SLC14A2: variants seen among roughly 807,000 people sequenced by gnomAD.
The protein encoded by SLC14A2 is solute carrier family 14 member 2.
SLC14A2 carries 91 observed loss-of-function variants against 104.6 expected under a neutral mutation model. The observed-to-expected ratio is 0.87, with a 90% confidence interval of 0.73 to 1.04. The LOEUF is 1.04. Among genes scored for constraint, SLC14A2 ranks in the 50% least tolerant of loss-of-function variants. SLC14A2 has a pLI of 0.00. For synonymous variants in SLC14A2, 476 were observed against 466.4 expected, an observed-to-expected ratio of 1.02 and a Z score of -0.27; for missense variants, 1,189 against 1,156.0, an observed-to-expected ratio of 1.03 and a Z score of -0.41.
intron 1 of SLC14A2, among the ~76,000 whole-genome samples, chr18:45,410,930 G>T (rs913980932): frequency 6.6e-6 from 1 of 152,182 alleles, no homozygotes; most frequent in Admixed American, 6.6e-5. Context: ...TTATACATAA[G>T]CATTAGCTCC....
At chr18:45,593,080 G>C (rs969322085) in intron 2 of SLC14A2, among the ~76,000 whole-genome samples, 4 of 152,180 alleles carry the variant, frequency 2.6e-5, no homozygotes, top group Non-Finnish European at 5.9e-5. Flanking sequence ...CACTTTGGGA[G>C]GCCGAGGCAG....
chr18:45,600,478 AAC>A (rs2044772586), intron 2 of SLC14A2, among the ~76,000 whole-genome samples: 1 of 152,142 alleles, frequency 6.6e-6, no homozygotes, highest in Non-Finnish European at 1.5e-5. Context: ...CCTCAACCAC[AAC>A]ACACAGTGAA....
At chr18:45,199,454 TGTTCA>T in the SLC14A2 span, among the ~76,000 whole-genome samples, 2 of 152,208 alleles carry the variant, frequency 1.3e-5, no homozygotes, top group Non-Finnish European at 2.9e-5. Context: ...CTGGAAAATT[TGTTCA>T]GTTCTTTTTT....
At chr18:45,209,757 C>G (rs186319986), upstream of SLC14A2, among the ~76,000 whole-genome samples, 1 of 152,070 alleles carries the variant, frequency 6.6e-6, no homozygotes, top group Non-Finnish European at 1.5e-5. Flanking sequence ...GGGAAAGAAT[C>G]GAGACAGCTA....
chr18:45,315,104 C>T (rs1009001207), intron 1 of SLC14A2, among the ~76,000 whole-genome samples: 1 of 152,072 alleles, frequency 6.6e-6, no homozygotes, highest in South Asian at 2.1e-4. Flanking sequence ...GGCTCCCTGA[C>T]AATAAGAAGA....
At chr18:45,542,390 G>A (rs527418084) in intron 2 of SLC14A2, 10 of 152,042 alleles carry the variant, frequency 6.6e-5, no homozygotes, top group Admixed American at 2.6e-4. Context: ...AAAGGTATTC[G>A]AGTAGAATTT....
chr18:45,412,058 G>A (rs1301052572), intron 1 of SLC14A2, among the ~76,000 whole-genome samples: 4 of 152,174 alleles, frequency 2.6e-5, no homozygotes, highest in African/African-American at 9.7e-5. Context: ...CCCAAATGAA[G>A]CATATGCCCC....
intron 2 of SLC14A2, chr18:45,529,620 T>C (rs865783709): frequency 2.8e-4 from 43 of 152,326 alleles, no homozygotes; most frequent in African/African-American, 9.9e-4. Context: ...CCTTTCGATC[T>C]TTAGTCCTGT....
intron 3 of SLC14A2, among the ~76,000 whole-genome samples, chr18:45,626,424 C>T (rs1399520172): frequency 4.6e-5 from 7 of 152,290 alleles, no homozygotes; most frequent in Admixed American, 2.6e-4. Context: ...GCAGAATGTA[C>T]GCCCCTCTCC....
chr18:45,354,673 TA>T (rs1418243441), intron 1 of SLC14A2, among the ~76,000 whole-genome samples: 2 of 152,186 alleles, frequency 1.3e-5, no homozygotes, highest in Non-Finnish European at 2.9e-5. Flanking sequence ...ACTGCTCTGG[TA>T]AAGGACAATT....
intron 1 of SLC14A2, among the ~76,000 whole-genome samples, chr18:45,409,626 G>A (rs1046912892): frequency 1.3e-5 from 2 of 152,078 alleles, no homozygotes; most frequent in African/African-American, 4.8e-5. Context: ...GCCTCCTGGG[G>A]AGCTTTCCTC....
chr18:45,607,835 C>T (rs1420219745), intron 2 of SLC14A2, among the ~76,000 whole-genome samples: 2 of 152,178 alleles, frequency 1.3e-5, no homozygotes, highest in African/African-American at 2.4e-5. Flanking sequence ...TGCTCACTTA[C>T]ATGACTGGCA....
upstream of SLC14A2, among the ~76,000 whole-genome samples, chr18:45,610,635 G>A (rs1385340): frequency 0.38 from 58,439 of 152,038 alleles, 11,858 homozygotes; most frequent in East Asian, 0.7. Flanking sequence ...CTGTCTCCTG[G>A]TAGGTTTCAG....
At chr18:45,385,074 A>G (rs1176749024) in intron 1 of SLC14A2, among the ~76,000 whole-genome samples, 2 of 152,206 alleles carry the variant, frequency 1.3e-5, no homozygotes, top group Non-Finnish European at 2.9e-5. Flanking sequence ...CAGAGATGAA[A>G]AGGGAAGCTG....
intron 2 of SLC14A2, among the ~76,000 whole-genome samples, chr18:45,580,532 C>T (rs1306284919): frequency 2.6e-5 from 4 of 152,162 alleles, no homozygotes; most frequent in Admixed American, 2.6e-4. Flanking sequence ...AGTGCCTAGC[C>T]ATCACAGAAG....
chr18:45,442,222 A>T (rs2086692228), intron 1 of SLC14A2, among the ~76,000 whole-genome samples: 1 of 152,198 alleles, frequency 6.6e-6, no homozygotes, highest in South Asian at 2.1e-4. Context: ...TAAAATGAGG[A>T]TAGGACTATT....
At chr18:45,339,781 T>C (rs1165655398) in intron 1 of SLC14A2, among the ~76,000 whole-genome samples, 1 of 152,188 alleles carries the variant, frequency 6.6e-6, no homozygotes, top group Non-Finnish European at 1.5e-5. Flanking sequence ...GCAGGTTTGA[T>C]GGCATAGTCC....
At chr18:45,636,115 A>C (rs914302295) in intron 5 of SLC14A2, among the ~76,000 whole-genome samples, 2 of 152,238 alleles carry the variant, frequency 1.3e-5, no homozygotes, top group Non-Finnish European at 2.9e-5. Context: ...TTGTCTCAGC[A>C]AGTCGGAGAG....
chr18:45,236,814 T>A (rs188798244), intron 1 of SLC14A2, among the ~76,000 whole-genome samples: 1 of 152,128 alleles, frequency 6.6e-6, no homozygotes, highest in Non-Finnish European at 1.5e-5. Flanking sequence ...GGCAGCTTTA[T>A]TTTTAGTTTT....
Sources: gnomAD v4.1 joint callset for allele counts (sites outside exome capture counted in the v4.1 genomes callset) on GRCh38, gnomAD v4.1.1 for gene constraint, MANE v1.5 for transcripts, NCBI Gene and HGNC (gene_info 2026-07-23, HGNC 2026-07-21) for gene names.